CEP41: variants seen among roughly 807,000 people sequenced by gnomAD.
The protein encoded by CEP41 is centrosomal protein of 41 kDa.
In CEP41, 32 loss-of-function variants were observed where a neutral mutation model predicts 44.3. That is an observed-to-expected ratio of 0.72 (90% CI 0.54 to 0.97). CEP41 has a LOEUF of 0.97. Among genes scored for constraint, CEP41 ranks in the 50% least tolerant of loss-of-function variants. CEP41 has a pLI of 0.00. For missense variants in CEP41, 432 were observed against 455.2 expected, an observed-to-expected ratio of 0.95 and a Z score of 0.46; for synonymous variants, 151 against 168.5, an observed-to-expected ratio of 0.90 and a Z score of 0.80.
chr7:130,416,216 G>A (rs548650724), intron 3 of CEP41, among the ~76,000 whole-genome samples: 412 of 152,292 alleles, frequency 2.7e-3, no homozygotes, highest in Non-Finnish European at 4.1e-3. Flanking sequence ...CCCTAGCACT[G>A]GGTTCTCTTA....
chr7:130,440,435 C>G (rs1395350375), intron 1 of CEP41: 1 of 224,342 alleles, frequency 4.5e-6, no homozygotes, highest in Non-Finnish European at 8.9e-6. Context: ...CAGCAGGGGA[C>G]TAGCGGTGAA....
intron 2 of CEP41, among the ~76,000 whole-genome samples, chr7:130,417,866 T>G (rs1172403219): frequency 6.6e-6 from 1 of 152,246 alleles, no homozygotes; most frequent in Non-Finnish European, 1.5e-5. Context: ...TCTAGTCAGA[T>G]GCAGCCCCAA....
At chr7:130,419,891 T>TCA (rs1324566090) in intron 2 of CEP41, 149 of 985,280 alleles carry the variant, frequency 1.5e-4, no homozygotes, top group Non-Finnish European at 1.7e-4. Flanking sequence ...AAGGCATTTA[T>TCA]CACTGTATTG....
intron 1 of CEP41, among the ~76,000 whole-genome samples, chr7:130,439,707 C>A (rs1486304160): frequency 3.3e-5 from 5 of 152,214 alleles, no homozygotes; most frequent in Non-Finnish European, 7.3e-5. Context: ...TAGTACCAGG[C>A]AGCCACCAAG....
intron 9 of CEP41, 164 bp from the exon 10 acceptor site, chr7:130,400,418 G>C: frequency 1.5e-6 from 1 of 678,320 alleles, no homozygotes; most frequent in Admixed American, 2.2e-5. Context: ...AATTATACCA[G>C]AAAATATCTG....
chr7:130,440,780 C>CG, intron 1 of CEP41, 154 bp downstream of exon 1: 552 of 528,666 alleles, frequency 1.0e-3, no homozygotes, highest in South Asian at 4.0e-3. Context: ...CCCCCAAGCC[C>CG]GGCCCGCCCC....
At chr7:130,437,094 G>T (rs1158942093) in intron 1 of CEP41, among the ~76,000 whole-genome samples, 4 of 152,032 alleles carry the variant, frequency 2.6e-5, no homozygotes, top group Admixed American at 2.6e-4. Context: ...AAACTAAAAT[G>T]AAGGATTGGA....
intron 2 of CEP41, chr7:130,419,248 C>T: frequency 1.0e-6 from 1 of 985,194 alleles, no homozygotes; most frequent in Non-Finnish European, 1.2e-6. Flanking sequence ...TCACTATAGA[C>T]ATTCATTCTA....
intron 1 of CEP41, among the ~76,000 whole-genome samples, chr7:130,433,329 GAA>G (rs35353510): frequency 7.5e-6 from 1 of 133,772 alleles, no homozygotes; most frequent in Non-Finnish European, 1.6e-5. Flanking sequence ...ATTTTGTTTT[GAA>G]AAAAAAAAAA....
At chr7:130,409,817 C>G (rs142409315) in intron 5 of CEP41, among the ~76,000 whole-genome samples, 1 of 152,070 alleles carries the variant, frequency 6.6e-6, no homozygotes, top group Admixed American at 6.6e-5. Flanking sequence ...GTCTTTCTAG[C>G]CTTATCTCCT....
At chr7:130,417,039 G>A in intron 2 of CEP41, 73 bp from the exon 3 acceptor site, 1 of 1,371,930 alleles carries the variant, frequency 7.3e-7, no homozygotes. Flanking sequence ...AAACAGAATG[G>A]AGGAAAAGTA....
chr7:130,399,819 CA>C (rs34927892), intron 10 of CEP41: 1,351 of 397,720 alleles, frequency 3.4e-3, no homozygotes, highest in South Asian at 4.4e-3. Context: ...GACTCTGTCT[CA>C]AAAAAAAAAA....
chr7:130,435,184 A>C (rs1554425906), intron 1 of CEP41, among the ~76,000 whole-genome samples: 1 of 152,200 alleles, frequency 6.6e-6, no homozygotes, highest in Non-Finnish European at 1.5e-5. Flanking sequence ...TCAAATGTAC[A>C]GAGAAGGTTT....
chr7:130,407,501 C>T (rs972565847), intron 5 of CEP41, among the ~76,000 whole-genome samples: 1 of 151,800 alleles, frequency 6.6e-6, no homozygotes, highest in African/African-American at 2.4e-5. Context: ...CAAAATAGTA[C>T]AGCACTACAA....
intron 1 of CEP41, 154 bp downstream of exon 1, chr7:130,440,780 C>A: frequency 1.9e-6 from 1 of 529,008 alleles, no homozygotes; most frequent in Non-Finnish European, 3.5e-6. Context: ...CCCCCAAGCC[C>A]GGCCCGCCCC....
At chr7:130,409,952 T>A (rs943101236) in intron 5 of CEP41, among the ~76,000 whole-genome samples, 3 of 152,046 alleles carry the variant, frequency 2.0e-5, no homozygotes, top group African/African-American at 7.2e-5. Context: ...CAGCCTCATC[T>A]TTAACTTGTA....
chr7:130,402,654 C>A lies in CEP41; in HGVS notation c.568G>T (p.Val190Phe), dbSNP rs1554417253. 4 of 1,614,126 alleles carry A rather than the reference C, an allele frequency of 2.5e-6. No homozygotes were observed. Among genetic ancestry groups the A allele is most frequent in the Non-Finnish European group, 3.4e-6 (4 of 1,180,000 alleles). Residue 190 changes from valine (V) to phenylalanine (F), a missense_variant, in exon 7 of 11, where the codon GTT becomes TTT. Coordinates refer to ENST00000223208, the MANE Select transcript of CEP41 (RefSeq NM_018718.3). The part of the protein sequence containing the change: ...DRDSYQQCHI[V>F]GAYSYPIATL... ...AAAGCCTTCTCTCTCTTACCTCCAA[C>A]AATGTGGCACTGCTGGTAAGAATCT... is the stretch of plus-strand genomic sequence containing the variant.
rs782273127 is a variant in CEP41 at position 130,416,986 on chromosome 7, T to C, written c.98-20A>G. The C allele has an allele frequency of 2.6e-6, 4 of 1,528,232 alleles. No individual in the cohort carries two copies. The East Asian group carries it at 9.0e-5, about 34-fold the overall frequency. 94.7% of individuals were successfully genotyped at this position (1,528,232 alleles called of 1,614,324 possible). ...TGTTACCTAAAAAGAAAATAAGGGGTTTTAGATATACTTTAAATGGAAGCA... is the reference window on the plus strand; with the variant it reads ...TGTTACCTAAAAAGAAAATAAGGGGCTTTAGATATACTTTAAATGGAAGCA... On this transcript the variant is annotated intron_variant, in intron 2 of 10. Coordinates refer to ENST00000223208, the MANE Select transcript of CEP41 (RefSeq NM_018718.3).
At chr7:130,399,255 T>C (rs1438240370) in intron 10 of CEP41, 4 of 598,324 alleles carry the variant, frequency 6.7e-6, no homozygotes, top group African/African-American at 1.9e-5. Flanking sequence ...GAAACCCAGA[T>C]AGGTTTTTTT....
Sources: gnomAD v4.1 joint callset for allele counts (sites outside exome capture counted in the v4.1 genomes callset) on GRCh38, gnomAD v4.1.1 for gene constraint, MANE v1.5 for transcripts, NCBI Gene and HGNC (gene_info 2026-07-23, HGNC 2026-07-21) for gene names.